CCDC144A: variants seen among roughly 807,000 people sequenced by gnomAD.
CCDC144A encodes coiled-coil domain-containing protein 144A.
In CCDC144A, 41 loss-of-function variants were observed where a neutral mutation model predicts 143.8. The ratio of observed to expected loss-of-function variants is 0.29; its 90% CI spans 0.22 to 0.37. The LOEUF is 0.37. Ranked by LOEUF, CCDC144A falls within the 10% of genes least tolerant of loss-of-function variation. The probability of loss-of-function intolerance (pLI) is 1.00; values close to 1 mark genes in which losing one functional copy is unlikely to be tolerated. For missense variants in CCDC144A, 637 were observed against 1,488.8 expected, an observed-to-expected ratio of 0.43 and a Z score of 9.41; for synonymous variants, 242 against 517.9, an observed-to-expected ratio of 0.47 and a Z score of 7.23.
At chr17:16,685,411 GCT>G (rs1910744176), upstream of CCDC144A, among the ~76,000 whole-genome samples, 1 of 151,406 alleles carries the variant, frequency 6.6e-6, no homozygotes, top group African/African-American at 2.4e-5. Flanking sequence ...AGATAGTCTT[GCT>G]CTGTCACCCA....
At chr17:16,688,258 T>A (rs930391901), upstream of CCDC144A, among the ~76,000 whole-genome samples, 1 of 151,918 alleles carries the variant, frequency 6.6e-6, no homozygotes, top group Non-Finnish European at 1.5e-5. Context: ...ACTGGGCTCC[T>A]GCTGGTTCCT....
intron 2 of CCDC144A, among the ~76,000 whole-genome samples, chr17:16,699,536 C>T (rs1911614048): frequency 1.6e-4 from 6 of 38,702 alleles, no homozygotes; most frequent in Admixed American, 3.5e-4. Flanking sequence ...CCACCGCGCC[C>T]GGCCTGGACT....
the CCDC144A span, among the ~76,000 whole-genome samples, chr17:16,681,210 G>A: frequency 2.0e-5 from 3 of 151,888 alleles, no homozygotes; most frequent in South Asian, 6.3e-4. Flanking sequence ...TAAAAGGAAT[G>A]GATATTTAAA....
chr17:16,696,627 C>A (rs1167050114), intron 2 of CCDC144A, among the ~76,000 whole-genome samples: 1 of 140,934 alleles, frequency 7.1e-6, no homozygotes, highest in African/African-American at 2.7e-5. Flanking sequence ...GAGCAAGACT[C>A]TGTCTCAAAA....
chr17:16,770,622 AT>A (rs1915790270), intron 15 of CCDC144A, among the ~76,000 whole-genome samples: 1 of 151,914 alleles, frequency 6.6e-6, no homozygotes, highest in African/African-American at 2.4e-5. Flanking sequence ...CTTATGTAAA[AT>A]TAAGGACTTT....
At chr17:16,694,084 G>A (rs2143037631) in intron 2 of CCDC144A, among the ~76,000 whole-genome samples, 1 of 149,302 alleles carries the variant, frequency 6.7e-6, no homozygotes, top group Non-Finnish European at 1.5e-5. Flanking sequence ...TAAGGAGAAG[G>A]AGGAAGAGGA....
intron 12 of CCDC144A, among the ~76,000 whole-genome samples, chr17:16,745,166 T>C (rs1914437013): frequency 6.7e-6 from 1 of 150,046 alleles, no homozygotes; most frequent in Non-Finnish European, 1.5e-5. Flanking sequence ...CTCACAAAGG[T>C]TGTAACAAAC....
At chr17:16,766,731 CT>C (rs1286553747) in intron 15 of CCDC144A, among the ~76,000 whole-genome samples, 1 of 152,080 alleles carries the variant, frequency 6.6e-6, no homozygotes, top group Non-Finnish European at 1.5e-5. Flanking sequence ...CAGAGCAAGA[CT>C]CCATCTCATG....
intron 12 of CCDC144A, among the ~76,000 whole-genome samples, chr17:16,760,652 TATTA>T (rs904019763): frequency 8.3e-6 from 1 of 120,506 alleles, no homozygotes; most frequent in African/African-American, 4.0e-5. Flanking sequence ...TTTCAAAATG[TATTA>T]ATTAGAGTCT....
At chr17:16,738,632 T>G (rs1914129052) in intron 12 of CCDC144A, among the ~76,000 whole-genome samples, 1 of 152,260 alleles carries the variant, frequency 6.6e-6, no homozygotes, top group African/African-American at 2.4e-5. Flanking sequence ...TAATTTCATC[T>G]TATTGCTGAG....
At chr17:16,683,073 C>G in the CCDC144A span, among the ~76,000 whole-genome samples, 3 of 151,018 alleles carry the variant, frequency 2.0e-5, 1 homozygote, top group Admixed American at 2.0e-4. Flanking sequence ...GGGTGGAAGG[C>G]AGGGGTTTGG....
In CCDC144A at chr17:16,709,445, C is replaced by T. The variant is rs759076736; in HGVS notation, c.1388C>T (p.Thr463Ile). The part of the protein sequence containing the change: ...NMNQNSDSGS[T>I]NNYKSLKPKL... ...AACCAAAATAGTGACAGTGGCAGTA[C>T]AAACAACTATAAAAGCCTGAAACCT... The change falls in exon 5 of 17, where the codon ACA becomes ATA. Residue 463 changes from threonine to isoleucine, a missense_variant. Thr to Ile is a moderately conservative substitution (Grantham distance 89). Coordinates refer to ENST00000399273, the MANE Select transcript of CCDC144A (RefSeq NM_001382000.1). 1 of 1,611,608 alleles carries T rather than the reference C, an allele frequency of 6.2e-7. No homozygotes were observed. The highest frequency in any genetic ancestry group is 1.1e-5 in the South Asian group (1 of 90,984).
intron 2 of CCDC144A, among the ~76,000 whole-genome samples, chr17:16,694,248 T>C (rs191114906): frequency 1.3e-4 from 20 of 152,278 alleles, no homozygotes; most frequent in Admixed American, 9.1e-4. Flanking sequence ...AACTGGAAAC[T>C]CGGCAATACC....
chr17:16,720,291 A>G lies in CCDC144A; in HGVS notation c.1749+60A>G. On this transcript the variant is annotated intron_variant, in intron 7 of 16. Transcript: ENST00000399273. ...TTTTAAAAAACAAGTTCTAAAAGGT[A>G]AAAATGAAAAAAATAAGATGTTTTG... is the stretch of plus-strand genomic sequence containing the variant. The G allele has an allele frequency of 3.3e-6, 5 of 1,512,426 alleles. 1 individual carries two copies. The South Asian group carries it at 6.6e-5, about 20-fold the overall frequency. The allele number at this position is 1,512,426 out of a possible 1,614,324, so 93.7% of individuals were successfully genotyped here.
At chr17:16,689,246 A>T (rs1188992262), upstream of CCDC144A, among the ~76,000 whole-genome samples, 2 of 150,790 alleles carry the variant, frequency 1.3e-5, no homozygotes, top group African/African-American at 2.5e-5. Flanking sequence ...CCCAGGCTGG[A>T]GTTTGGTGGC....
At chr17:16,688,429 T>C (rs1261493607), upstream of CCDC144A, among the ~76,000 whole-genome samples, 1 of 151,090 alleles carries the variant, frequency 6.6e-6, no homozygotes, top group Non-Finnish European at 1.5e-5. Flanking sequence ...AAACCACTCA[T>C]AGGGGGAATT....
chr17:16,682,881 C>CTTT, the CCDC144A span, among the ~76,000 whole-genome samples: 6 of 48,024 alleles, frequency 1.2e-4, no homozygotes, highest in Admixed American at 9.0e-4. Context: ...TCTGGATTCT[C>CTTT]TGTTTTTTTT....
intron 12 of CCDC144A, among the ~76,000 whole-genome samples, chr17:16,754,909 G>T (rs1915001945): frequency 1.3e-5 from 2 of 152,116 alleles, no homozygotes; most frequent in Admixed American, 1.3e-4. Context: ...GTGTGCTCAG[G>T]TATTGAGTAT....
Position 16,708,832 on chromosome 17 carries a change from G to A in CCDC144A, c.775G>A (p.Asp259Asn), listed in dbSNP as rs371860754. Residue 259 changes from aspartate to asparagine, a missense_variant, in exon 5 of 17, where the codon GAT (aspartate) becomes AAT (asparagine). By Grantham distance (23) the Asp-to-Asn change is conservative. Coordinates refer to ENST00000399273, the MANE Select transcript of CCDC144A (RefSeq NM_001382000.1). ...AGAACCAGAAATGGCTAAGGATTGC[G>A]ATAGAGAGGATATACCTATATATCC... ...SQEPEMAKDC[D>N]REDIPIYPVL... 75 of 1,611,656 alleles carry A rather than the reference G, an allele frequency of 4.7e-5. No individual in the cohort carries two copies. In the African/African-American group the frequency reaches 4.8e-4, roughly 10 times the overall value.
Sources: gnomAD v4.1 joint callset for allele counts (sites outside exome capture counted in the v4.1 genomes callset) on GRCh38, gnomAD v4.1.1 for gene constraint, MANE v1.5 for transcripts, NCBI Gene and HGNC (gene_info 2026-07-23, HGNC 2026-07-21) for gene names.